The following PRDM2 variants were observed in gnomAD, a reference collection of about 807,000 sequenced individuals.
The protein encoded by PRDM2 is PR domain zinc finger protein 2.
A neutral mutation model predicts 130.0 loss-of-function variants in PRDM2; 30 were observed. The ratio of observed to expected loss-of-function variants is 0.23; its 90% CI spans 0.17 to 0.31. PRDM2 has a LOEUF of 0.31. Among genes scored for constraint, PRDM2 ranks in the 10% least tolerant of loss-of-function variants. PRDM2 has a pLI of 1.00. For missense variants in PRDM2, 2,011 were observed against 2,108.4 expected, an observed-to-expected ratio of 0.95 and a Z score of 0.90; for synonymous variants, 871 against 782.4, an observed-to-expected ratio of 1.11 and a Z score of -1.89.
intron 8 of PRDM2, among the ~76,000 whole-genome samples, chr1:13,808,408 G>T (rs945102051): frequency 6.7e-6 from 1 of 148,972 alleles, no homozygotes; most frequent in Non-Finnish European, 1.5e-5. Flanking sequence ...AGCTTGCAGT[G>T]AGTGGAGATC....
At chr1:13,800,914 G>T (rs888405465) in intron 8 of PRDM2, among the ~76,000 whole-genome samples, 1 of 152,170 alleles carries the variant, frequency 6.6e-6, no homozygotes, top group Non-Finnish European at 1.5e-5. Flanking sequence ...CGAAGTTGGC[G>T]TTAGGCCCGT....
intron 1 of PRDM2, among the ~76,000 whole-genome samples, chr1:13,706,512 A>C (rs1642214861): frequency 6.6e-6 from 1 of 152,122 alleles, no homozygotes; most frequent in Admixed American, 6.5e-5. Flanking sequence ...AGGGTGTGGA[A>C]TAGGATTAGC....
In PRDM2 at chr1:13,780,596, C is replaced by G; in HGVS notation, c.2801C>G (p.Pro934Arg). ...GACCTCGGTCCGGGCTCTGGTTTCCCTGCCCCTACTGTTGAGTCCACACCT... is the reference window on the plus strand; with the variant it reads ...GACCTCGGTCCGGGCTCTGGTTTCCGTGCCCCTACTGTTGAGTCCACACCT... Reference protein sequence around the residue: ...DPDLGPGSGFPAPTVESTPDV... With the variant: ...DPDLGPGSGFRAPTVESTPDV... Residue 934 changes from proline (P) to arginine (R), a missense_variant, in exon 8 of 10, where the codon CCT (proline) becomes CGT (arginine). By Grantham distance (103) the Pro-to-Arg change is moderately radical. Transcript: ENST00000311066. 1 of 1,614,110 alleles carries G rather than the reference C, an allele frequency of 6.2e-7. No homozygotes were observed. Among genetic ancestry groups the G allele is most frequent in the South Asian group, 1.1e-5 (1 of 91,078 alleles).
At chr1:13,768,243 C>A (rs1017875689) in intron 6 of PRDM2, among the ~76,000 whole-genome samples, 10 of 150,146 alleles carry the variant, frequency 6.7e-5, no homozygotes, top group African/African-American at 2.5e-4. Flanking sequence ...CCACCACGCC[C>A]GGCTAATGCT....
chr1:13,765,472 G>GT (rs939711968), intron 6 of PRDM2, among the ~76,000 whole-genome samples: 414 of 146,004 alleles, frequency 2.8e-3, no homozygotes, highest in African/African-American at 5.9e-3. Flanking sequence ...CTATTCTTTT[G>GT]TTTTTTTTTT....
At chr1:13,819,247 G>A (rs1330080411) in intron 9 of PRDM2, among the ~76,000 whole-genome samples, 4 of 152,210 alleles carry the variant, frequency 2.6e-5, no homozygotes, top group Admixed American at 6.5e-5. Context: ...TGGCCATGAC[G>A]AAGATGAAAT....
intron 8 of PRDM2, among the ~76,000 whole-genome samples, chr1:13,802,070 T>C (rs1645016177): frequency 6.6e-6 from 1 of 152,200 alleles, no homozygotes; most frequent in Admixed American, 6.5e-5. Flanking sequence ...TTGAGGACTT[T>C]GGGGATCACG....
At chr1:13,775,374 G>T (rs1168600810) in intron 7 of PRDM2, among the ~76,000 whole-genome samples, 1 of 152,220 alleles carries the variant, frequency 6.6e-6, no homozygotes, top group African/African-American at 2.4e-5. Context: ...GTTTTCTGTT[G>T]TCTCATTTCA....
chr1:13,801,833 C>T (rs1483854701), intron 8 of PRDM2, among the ~76,000 whole-genome samples: 1 of 152,208 alleles, frequency 6.6e-6, no homozygotes, highest in Non-Finnish European at 1.5e-5. Flanking sequence ...TCCACATGCG[C>T]CACCTGGCCG....
chr1:13,719,390 A>C (rs538716770), intron 2 of PRDM2, among the ~76,000 whole-genome samples: 3 of 152,300 alleles, frequency 2.0e-5, no homozygotes, highest in African/African-American at 7.2e-5. Flanking sequence ...GGGCTCTGGG[A>C]TAAGAGGACA....
At position 13,803,190 on chromosome 1, in the gene PRDM2, G is replaced by A. The variant is rs900179319; in HGVS notation, c.5037-13237G>A. On this transcript the variant is annotated intron_variant, in intron 8 of 9. Coordinates refer to ENST00000311066, the MANE Select transcript of PRDM2 (RefSeq NM_001393986.1). The surrounding 1 kb of genome is among the most constrained non-coding windows in gnomAD (Gnocchi z 6.2). ...TGTCCCCTGGTTTGGGCGGGACCTT[G>A]GCAATGAGAGAAACCGTATAGGAAG... is the stretch of plus-strand genomic sequence containing the variant. Among the ~76,000 whole-genome samples the A allele has an allele frequency of 6.6e-6, 1 of 152,230 alleles. No individual in the cohort carries two copies. Among genetic ancestry groups the A allele is most frequent in the African/African-American group, 2.4e-5 (1 of 41,458 alleles).
intron 6 of PRDM2, among the ~76,000 whole-genome samples, chr1:13,772,797 T>TA (rs1644387218): frequency 6.6e-6 from 1 of 152,222 alleles, no homozygotes; most frequent in Non-Finnish European, 1.5e-5. Context: ...TGATAGTCAT[T>TA]ATAGCTATGA....
chr1:13,786,535 C>T (rs1428137438), intron 8 of PRDM2: 1 of 1,609,700 alleles, frequency 6.2e-7, no homozygotes, highest in Non-Finnish European at 8.5e-7. Flanking sequence ...TAGAAAAGCC[C>T]CCAAAACAAA....
chr1:13,748,556 G>A (rs1643687699), intron 5 of PRDM2, among the ~76,000 whole-genome samples: 1 of 152,116 alleles, frequency 6.6e-6, no homozygotes, highest in African/African-American at 2.4e-5. Flanking sequence ...CATTTGTTGT[G>A]AGAGAAACCA....
intron 5 of PRDM2, among the ~76,000 whole-genome samples, chr1:13,745,465 C>T (rs1222329308): frequency 6.6e-6 from 1 of 150,836 alleles, no homozygotes; most frequent in Non-Finnish European, 1.5e-5. Context: ...TGCTCTGTCG[C>T]CCAGGCTGGA....
At chr1:13,722,649 T>C (rs1475170506) in intron 2 of PRDM2, among the ~76,000 whole-genome samples, 1 of 152,082 alleles carries the variant, frequency 6.6e-6, no homozygotes, top group African/African-American at 2.4e-5. Flanking sequence ...TGGGAGGCAG[T>C]AGAAAGCTCC....
chr1:13,744,182 A>T (rs1489795412), intron 5 of PRDM2, among the ~76,000 whole-genome samples: 1 of 152,248 alleles, frequency 6.6e-6, no homozygotes, highest in Non-Finnish European at 1.5e-5. Context: ...ATTCACAGAA[A>T]CACTGAGAAT....
At chr1:13,782,901 G>A (rs565892824) in intron 8 of PRDM2, 70 bp downstream of exon 8, 4 of 1,579,052 alleles carry the variant, frequency 2.5e-6, no homozygotes, top group Non-Finnish European at 3.4e-6. Flanking sequence ...GGTGTTTTTT[G>A]GTTTCTTGTT....
At chr1:13,795,254 C>T (rs1004962761) in intron 8 of PRDM2, among the ~76,000 whole-genome samples, 3 of 152,112 alleles carry the variant, frequency 2.0e-5, no homozygotes, top group African/African-American at 7.2e-5. Flanking sequence ...TTGCTGGCCA[C>T]GATGTAAATA....
Sources: allele counts gnomAD v4.1 joint callset (sites outside exome capture counted in the v4.1 genomes callset), GRCh38; gene constraint gnomAD v4.1.1; non-coding constraint Gnocchi (gnomAD v3.1); transcripts MANE v1.5; gene names NCBI Gene and HGNC (gene_info 2026-07-23, HGNC 2026-07-21).